Variants in RGS6 observed in about 807,000 individuals in gnomAD.
RGS6 encodes the protein regulator of G protein signaling 6.
In RGS6, 30 loss-of-function variants were observed where a neutral mutation model predicts 78.5. The ratio of observed to expected loss-of-function variants is 0.38; its 90% confidence interval spans 0.29 to 0.52. RGS6 has a LOEUF of 0.52. Ranked by LOEUF, RGS6 falls within the 20% of genes least tolerant of loss-of-function variation. RGS6 has a pLI of 0.85. For missense variants in RGS6, 495 were observed against 609.7 expected, an observed-to-expected ratio of 0.81 and a Z score of 1.98; for synonymous variants, 206 against 206.0, an observed-to-expected ratio of 1.00 and a Z score of 0.00.
chr14:72,072,778 T>G (rs2094452519), intron 2 of RGS6, among the ~76,000 whole-genome samples: 1 of 152,234 alleles, frequency 6.6e-6, no homozygotes. Context: ...TTTAAATCAA[T>G]GCTAATTTTT....
chr14:72,165,573 T>A (rs2096913962), intron 2 of RGS6, among the ~76,000 whole-genome samples: 1 of 152,222 alleles, frequency 6.6e-6, no homozygotes, highest in South Asian at 2.1e-4. Context: ...TCTGGCAAAA[T>A]ACACTGCATG....
chr14:71,910,081 T>G, the RGS6 span, among the ~76,000 whole-genome samples: 5 of 151,958 alleles, frequency 3.3e-5, no homozygotes, highest in Admixed American at 3.3e-4. Context: ...TCCCAGCTAC[T>G]TGGGAGGCTG....
intron 2 of RGS6, among the ~76,000 whole-genome samples, chr14:72,273,348 T>C (rs981386819): frequency 6.6e-6 from 1 of 152,182 alleles, no homozygotes; most frequent in African/African-American, 2.4e-5. Context: ...CAAAGAATTA[T>C]ACATATGCAA....
chr14:72,360,212 A>G lies in RGS6; in HGVS notation c.184+8018A>G, dbSNP rs371167244. ...GTAGTTTCAGCTAGAAACACATACA[A>G]TTTATTCATAGAAAGAAGAAAGGAG... is the stretch of plus-strand genomic sequence containing the variant. On this transcript the variant is annotated intron_variant, in intron 3 of 17. Coordinates refer to ENST00000553525, the MANE Select transcript of RGS6 (RefSeq NM_001204424.2). Among the ~76,000 whole-genome samples, 105 of 152,252 alleles carry G rather than the reference A, an allele frequency of 6.9e-4. No homozygotes were observed. In the South Asian group the frequency reaches 0.013, roughly 18 times the overall value.
the RGS6 span, among the ~76,000 whole-genome samples, chr14:72,591,436 G>A: frequency 6.6e-6 from 1 of 151,752 alleles, no homozygotes; most frequent in African/African-American, 2.4e-5. Context: ...TAATAACTAT[G>A]ATTAAACCAG....
intron 2 of RGS6, among the ~76,000 whole-genome samples, chr14:72,261,297 G>A (rs2058106463): frequency 6.6e-6 from 1 of 152,188 alleles, no homozygotes; most frequent in Non-Finnish European, 1.5e-5. Flanking sequence ...CCTGAGAAGA[G>A]CTACGGCACA....
intron 3 of RGS6, among the ~76,000 whole-genome samples, chr14:72,423,391 A>G (rs568155598): frequency 6.6e-6 from 1 of 152,340 alleles, no homozygotes; most frequent in South Asian, 2.1e-4. Context: ...ATTATAAGAT[A>G]CAAGATGAGA....
At chr14:72,175,836 AAG>A (rs1393446187) in intron 2 of RGS6, among the ~76,000 whole-genome samples, 1 of 152,080 alleles carries the variant, frequency 6.6e-6, no homozygotes, top group East Asian at 1.9e-4. Flanking sequence ...GAAAGGGAGG[AAG>A]AGAGGGGAAG....
chr14:72,095,847 C>T (rs1431667417), intron 2 of RGS6, among the ~76,000 whole-genome samples: 1 of 152,194 alleles, frequency 6.6e-6, no homozygotes, highest in East Asian at 1.9e-4. Context: ...AATGCTGGTG[C>T]ATTGTCTACA....
intron 12 of RGS6, among the ~76,000 whole-genome samples, chr14:72,479,376 G>T (rs1373220828): frequency 6.6e-6 from 1 of 152,190 alleles, no homozygotes; most frequent in South Asian, 2.1e-4. Flanking sequence ...TTCTGAGCCA[G>T]ATAATTCCTT....
intron 17 of RGS6, chr14:72,550,761 C>T: frequency 1.3e-6 from 1 of 771,744 alleles, no homozygotes; most frequent in Non-Finnish European, 1.9e-6. Flanking sequence ...GGTAGTGATT[C>T]AGCTTCACAT....
the RGS6 span, among the ~76,000 whole-genome samples, chr14:71,891,527 A>T: frequency 6.6e-6 from 1 of 152,170 alleles, no homozygotes; most frequent in Admixed American, 6.5e-5. Flanking sequence ...TCTGAGAACA[A>T]ACATCCTAAC....
intron 2 of RGS6, among the ~76,000 whole-genome samples, chr14:72,344,551 A>G (rs1370050965): frequency 6.6e-6 from 1 of 152,200 alleles, no homozygotes; most frequent in Non-Finnish European, 1.5e-5. Context: ...ATTGAGTCCC[A>G]CTGAATGCTG....
chr14:72,016,326 G>A (rs28465570), intron 2 of RGS6, among the ~76,000 whole-genome samples: 1 of 152,230 alleles, frequency 6.6e-6, no homozygotes, highest in Middle Eastern at 3.4e-3. Context: ...TCCCAAACAC[G>A]TGTGACTGTG....
chr14:72,380,361 A>G (rs1004385067), intron 3 of RGS6, among the ~76,000 whole-genome samples: 1 of 152,142 alleles, frequency 6.6e-6, no homozygotes, highest in Admixed American at 6.5e-5. Flanking sequence ...AGTAAAGGAA[A>G]CAAGAATGAG....
the RGS6 span, among the ~76,000 whole-genome samples, chr14:72,573,264 T>G: frequency 6.6e-5 from 10 of 152,340 alleles, 1 homozygote; most frequent in South Asian, 1.9e-3. Context: ...AATAGAAGCC[T>G]TGTTTCCTAA....
the RGS6 span, among the ~76,000 whole-genome samples, chr14:72,607,607 AG>A: frequency 6.6e-6 from 1 of 152,356 alleles, no homozygotes; most frequent in South Asian, 2.1e-4. Flanking sequence ...GGGTTAAAGC[AG>A]AAATGTGCAC....
At chr14:72,421,477 T>G (rs1460420765) in intron 3 of RGS6, 1 of 152,174 alleles carries the variant, frequency 6.6e-6, no homozygotes, top group Non-Finnish European at 1.5e-5. Flanking sequence ...TCTAACGTGA[T>G]GCCTTTGGGG....
chr14:72,523,832 T>C (rs985693867), intron 15 of RGS6, among the ~76,000 whole-genome samples: 2 of 150,988 alleles, frequency 1.3e-5, no homozygotes, highest in Non-Finnish European at 2.9e-5. Flanking sequence ...TAGGCCATGA[T>C]TATTTTTTTT....
Sources: gnomAD v4.1 joint callset for allele counts (sites outside exome capture counted in the v4.1 genomes callset) on GRCh38, gnomAD v4.1.1 for gene constraint, MANE v1.5 for transcripts, NCBI Gene and HGNC (gene_info 2026-07-23, HGNC 2026-07-21) for gene names.